The following NOX4 variants were observed in gnomAD, a reference collection of about 807,000 sequenced individuals.
NOX4 encodes the protein NADPH oxidase 4.
Under a neutral mutation model 87.6 loss-of-function variants are expected in NOX4, and 69 were observed. That is an observed-to-expected ratio of 0.79 (90% CI 0.65 to 0.96). NOX4 has a LOEUF of 0.96. Among genes scored for constraint, NOX4 ranks in the 40% least tolerant of loss-of-function variants. NOX4 has a pLI of 0.00. For missense variants in NOX4, 680 were observed against 681.5 expected (o/e 1.00, Z 0.02); for synonymous variants, 275 against 238.2 (o/e 1.15, Z -1.42).
At chr11:89,448,671 C>T (rs1355287468) in intron 4 of NOX4, among the ~76,000 whole-genome samples, 1 of 152,008 alleles carries the variant, frequency 6.6e-6, no homozygotes, top group Non-Finnish European at 1.5e-5. Context: ...TGCTTGAGCT[C>T]AGAAGTTCGA....
At chr11:89,400,165 A>T (rs2081332561) in intron 10 of NOX4, 50 bp downstream of exon 10, 1 of 1,588,452 alleles carries the variant, frequency 6.3e-7, no homozygotes. Context: ...AAATTCCAAA[A>T]ATTACATAAG....
At chr11:89,394,260 T>C (rs2135149892) in intron 11 of NOX4, among the ~76,000 whole-genome samples, 1 of 152,238 alleles carries the variant, frequency 6.6e-6, no homozygotes, top group Admixed American at 6.5e-5. Context: ...GAGTATATAC[T>C]AAAAAGTAAA....
Position 89,405,766 on chromosome 11 carries a change from AAC to A in NOX4, c.630-3226_630-3225del, listed in dbSNP as rs1942140671. The stretch of plus-strand genomic sequence containing the variant: ...TGGTTAAAAAAGAAAAAAAAAAAAA[AAC>A]TTGCATGGTAAAGATTAGTGGCCTT... On this transcript the variant is annotated intron_variant, in intron 8 of 17. Coordinates refer to ENST00000263317, the MANE Select transcript of NOX4 (RefSeq NM_016931.5). Among the ~76,000 whole-genome samples the A allele has an allele frequency of 2.6e-5, 4 of 151,640 alleles. No individual in the cohort carries two copies. In the East Asian group the frequency reaches 5.8e-4, roughly 22 times the overall value.
chr11:89,351,769 AAAG>A (rs1373477477), intron 13 of NOX4, among the ~76,000 whole-genome samples: 2 of 152,192 alleles, frequency 1.3e-5, no homozygotes, highest in Non-Finnish European at 1.5e-5. Context: ...AGAGAAAAAA[AAAG>A]AAGATTCTAT....
the NOX4 span, among the ~76,000 whole-genome samples, chr11:89,520,076 A>G: frequency 1.3e-5 from 2 of 152,024 alleles, no homozygotes; most frequent in African/African-American, 4.8e-5. Context: ...TACCATTATG[A>G]TCAGGGAGCA....
chr11:89,385,744 T>C (rs1467185960), intron 11 of NOX4, among the ~76,000 whole-genome samples: 1 of 152,170 alleles, frequency 6.6e-6, no homozygotes, highest in Non-Finnish European at 1.5e-5. Context: ...TGACCAGGAC[T>C]GGCAAATTGA....
chr11:89,401,358 A>T (rs1451578535), intron 9 of NOX4, among the ~76,000 whole-genome samples: 1 of 152,020 alleles, frequency 6.6e-6, no homozygotes, highest in African/African-American at 2.4e-5. Context: ...ACCTGCCCTA[A>T]TATTTGTGAA....
intron 8 of NOX4, among the ~76,000 whole-genome samples, chr11:89,403,372 G>C (rs1337782958): frequency 1.3e-5 from 2 of 152,102 alleles, no homozygotes; most frequent in African/African-American, 4.8e-5. Flanking sequence ...ATTTGGAAAT[G>C]CTTGAAAATT....
At chr11:89,539,885 A>C in the NOX4 span, among the ~76,000 whole-genome samples, 2 of 151,666 alleles carry the variant, frequency 1.3e-5, no homozygotes. Context: ...ATTTTAATTC[A>C]CCTTAATCTA....
At chr11:89,377,962 C>T (rs1939977649) in intron 11 of NOX4, among the ~76,000 whole-genome samples, 1 of 152,090 alleles carries the variant, frequency 6.6e-6, no homozygotes, top group Non-Finnish European at 1.5e-5. Flanking sequence ...CTCCTAATTC[C>T]CATATATCTG....
chr11:89,526,504 TATC>T, the NOX4 span, among the ~76,000 whole-genome samples: 1 of 152,156 alleles, frequency 6.6e-6, no homozygotes, highest in Non-Finnish European at 1.5e-5. Context: ...CCCACCCAAA[TATC>T]ATCTTGAATT....
chr11:89,511,047 C>T, the NOX4 span, among the ~76,000 whole-genome samples: 1 of 151,904 alleles, frequency 6.6e-6, no homozygotes, highest in Non-Finnish European at 1.5e-5. Flanking sequence ...TTCTTTGTGT[C>T]GTGCTATATG....
At position 89,402,637 on chromosome 11, in the gene NOX4, GT is replaced by G. The variant is rs761679216; in HGVS notation, c.630-96del. The G allele has an allele frequency of 3.2e-4, 310 of 980,002 alleles. 1 individual carries two copies. In the East Asian group the frequency reaches 5.0e-3, roughly 16 times the overall value. 60.7% of individuals were successfully genotyped at this position (980,002 alleles called of 1,614,324 possible). ...AAATAATGTTTTTGTTTTTGTTTTT[GT>G]TTGCTAACTTTACACAGCATTTATC... On this transcript the variant is annotated intron_variant, in intron 8 of 17. Transcript: ENST00000263317.
At chr11:89,562,096 G>A in the NOX4 span, among the ~76,000 whole-genome samples, 1 of 152,114 alleles carries the variant, frequency 6.6e-6, no homozygotes, top group Non-Finnish European at 1.5e-5. Flanking sequence ...CAGGCATTAG[G>A]ACACTGTAAT....
chr11:89,363,655 T>C (rs1471918543), intron 12 of NOX4, among the ~76,000 whole-genome samples: 1 of 152,092 alleles, frequency 6.6e-6, no homozygotes, highest in Non-Finnish European at 1.5e-5. Context: ...GAAGTATGCA[T>C]ATTAATCTTA....
chr11:89,474,943 A>G (rs182847089), intron 2 of NOX4, among the ~76,000 whole-genome samples: 33 of 151,934 alleles, frequency 2.2e-4, no homozygotes, highest in African/African-American at 6.0e-4. Flanking sequence ...GGGGTATTCT[A>G]CACAATGATG....
At chr11:89,444,597 C>T (rs1944607684) in intron 4 of NOX4, among the ~76,000 whole-genome samples, 1 of 151,712 alleles carries the variant, frequency 6.6e-6, no homozygotes, top group Non-Finnish European at 1.5e-5. Context: ...TTGAGCACCT[C>T]CCTGATATTT....
intron 2 of NOX4, among the ~76,000 whole-genome samples, chr11:89,472,656 A>G (rs1011314225): frequency 4.6e-5 from 7 of 152,164 alleles, no homozygotes; most frequent in African/African-American, 1.4e-4. Context: ...GAGAGAAGAA[A>G]GCAGTATTAT....
chr11:89,405,758 A>C (rs1227720942), intron 8 of NOX4, among the ~76,000 whole-genome samples: 1 of 151,866 alleles, frequency 6.6e-6, no homozygotes, highest in Non-Finnish European at 1.5e-5. Flanking sequence ...AAAAGAAAAA[A>C]AAAAAAAAAC....
Sources: gnomAD v4.1 joint callset for allele counts (sites outside exome capture counted in the v4.1 genomes callset) on GRCh38, gnomAD v4.1.1 for gene constraint, MANE v1.5 for transcripts, NCBI Gene and HGNC (gene_info 2026-07-23, HGNC 2026-07-21) for gene names.